The following PPM1E variants were observed in gnomAD, a reference collection of about 807,000 sequenced individuals.
PPM1E encodes the protein protein phosphatase, Mg2+/Mn2+ dependent 1E, also known as protein phosphatase 1E.
PPM1E carries 20 observed loss-of-function variants against 65.9 expected under a neutral mutation model. The observed-to-expected ratio is 0.30, with a 90% CI of 0.21 to 0.44. The LOEUF is 0.44. PPM1E is among the 20% of genes least tolerant of loss of function. The probability of loss-of-function intolerance (pLI) is 1.00; values close to 1 mark genes in which losing one functional copy is unlikely to be tolerated. For missense variants in PPM1E, 713 were observed against 953.1 expected (o/e 0.75, Z 3.32); for synonymous variants, 352 against 374.9 (o/e 0.94, Z 0.70).
chr17:58,768,891 A>T (rs1383480822), intron 1 of PPM1E, among the ~76,000 whole-genome samples: 1 of 151,860 alleles, frequency 6.6e-6, no homozygotes, highest in Non-Finnish European at 1.5e-5. Flanking sequence ...CTGGTCTTGG[A>T]CTCCCGACCT....
chr17:58,783,223 C>G (rs775540600), intron 1 of PPM1E, among the ~76,000 whole-genome samples: 6 of 152,020 alleles, frequency 3.9e-5, no homozygotes, highest in Non-Finnish European at 8.8e-5. Context: ...TTCATGCAAA[C>G]AGTAAAAATA....
chr17:58,960,575 G>A (rs1196628954), intron 2 of PPM1E, among the ~76,000 whole-genome samples: 1 of 152,158 alleles, frequency 6.6e-6, no homozygotes, highest in South Asian at 2.1e-4. Flanking sequence ...AGGAGCTCGA[G>A]ACCAGTCTGG....
intron 1 of PPM1E, among the ~76,000 whole-genome samples, chr17:58,794,807 C>G (rs961130292): frequency 2.6e-5 from 4 of 151,692 alleles, no homozygotes; most frequent in Non-Finnish European, 5.9e-5. Flanking sequence ...TTTATCCAGT[C>G]TACCATTGAT....
intron 1 of PPM1E, among the ~76,000 whole-genome samples, chr17:58,930,250 TACACACACAC>T (rs377147999): frequency 4.2e-4 from 60 of 143,304 alleles, no homozygotes; most frequent in African/African-American, 1.3e-3. Flanking sequence ...TAAATGTATA[TACACACACAC>T]ACACACACAC....
At chr17:58,907,841 T>C (rs984402577) in intron 1 of PPM1E, among the ~76,000 whole-genome samples, 3 of 152,178 alleles carry the variant, frequency 2.0e-5, no homozygotes, top group Non-Finnish European at 4.4e-5. Flanking sequence ...ATCATGGTAT[T>C]TTTCTCTATT....
chr17:58,806,229 C>A (rs2050312838), intron 1 of PPM1E, among the ~76,000 whole-genome samples: 1 of 151,788 alleles, frequency 6.6e-6, no homozygotes, highest in South Asian at 2.1e-4. Context: ...GGTCTTTTGA[C>A]TCCAAAGTCT....
At position 58,910,150 on chromosome 17, in the gene PPM1E, G is replaced by A. The variant is rs1420475916; in HGVS notation, c.465-45499G>A. Among the ~76,000 whole-genome samples the A allele has an allele frequency of 4.6e-5, 7 of 151,690 alleles. No individual in the cohort carries two copies. The South Asian group carries it at 6.2e-4, about 14-fold the overall frequency. On this transcript the variant is annotated intron_variant, in intron 1 of 6. Transcript: ENST00000308249. ...ACTCCTGACCTCAGGTGATCCACCC[G>A]CCTCGTTGCCCCACAGTTCTTGAGT...
At chr17:58,768,505 G>T (rs1378192539) in intron 1 of PPM1E, among the ~76,000 whole-genome samples, 1 of 152,138 alleles carries the variant, frequency 6.6e-6, no homozygotes, top group Non-Finnish European at 1.5e-5. Flanking sequence ...GGCGGATAGG[G>T]TGGTTGGATT....
intron 1 of PPM1E, among the ~76,000 whole-genome samples, chr17:58,940,868 G>A (rs537231779): frequency 2.6e-5 from 4 of 152,240 alleles, no homozygotes; most frequent in African/African-American, 7.2e-5. Context: ...ATGCCACCAT[G>A]CGTGGCTAAT....
chr17:58,947,700 G>T (rs2052181059), intron 1 of PPM1E, among the ~76,000 whole-genome samples: 1 of 151,872 alleles, frequency 6.6e-6, no homozygotes, highest in South Asian at 2.1e-4. Context: ...TAAATATTGG[G>T]TTTTCAGTTA....
At chr17:58,783,459 G>C (rs537102856) in intron 1 of PPM1E, among the ~76,000 whole-genome samples, 1 of 152,114 alleles carries the variant, frequency 6.6e-6, no homozygotes, top group Non-Finnish European at 1.5e-5. Context: ...GTAGTTTTTT[G>C]AATAAAGGAG....
At chr17:58,918,180 A>G (rs2051706960) in intron 1 of PPM1E, among the ~76,000 whole-genome samples, 1 of 152,198 alleles carries the variant, frequency 6.6e-6, no homozygotes, top group Non-Finnish European at 1.5e-5. Flanking sequence ...ACTATGGTAG[A>G]CACTGGATTG....
intron 1 of PPM1E, among the ~76,000 whole-genome samples, chr17:58,762,134 A>G (rs1311598505): frequency 6.6e-6 from 1 of 152,176 alleles, no homozygotes; most frequent in Non-Finnish European, 1.5e-5. Context: ...CTGAGTAAAT[A>G]GATTTATGGA....
At chr17:58,852,270 C>T (rs2050834503) in intron 1 of PPM1E, among the ~76,000 whole-genome samples, 2 of 152,168 alleles carry the variant, frequency 1.3e-5, no homozygotes, top group Admixed American at 6.5e-5. Context: ...GCTGCACCCA[C>T]TGTCTGACAA....
In PPM1E at chr17:58,982,743, C is replaced by T; in HGVS notation, c.*1712C>T. On this transcript the variant is annotated 3_prime_UTR_variant, in exon 7 of 7. Transcript: ENST00000308249. ...TCTCTTGATTTTGAAGTCATTTCTTCTTCTCACGTCTGTGACAAATGGTTG... is the reference window on the plus strand; with the variant it reads ...TCTCTTGATTTTGAAGTCATTTCTTTTTCTCACGTCTGTGACAAATGGTTG... 2 of 535,216 alleles carry T rather than the reference C, an allele frequency of 3.7e-6. No individual in the cohort carries two copies. Among genetic ancestry groups the T allele is most frequent in the Admixed American group, 6.9e-5 (2 of 29,134 alleles). The allele number at this position is 535,216 out of a possible 1,614,324, so 33.2% of individuals were successfully genotyped here.
At chr17:58,936,398 T>A (rs2051980658) in intron 1 of PPM1E, among the ~76,000 whole-genome samples, 1 of 152,150 alleles carries the variant, frequency 6.6e-6, no homozygotes, top group Non-Finnish European at 1.5e-5. Flanking sequence ...AGCATCATCA[T>A]AATATGTGGG....
chr17:58,837,190 C>T (rs990472071), intron 1 of PPM1E, among the ~76,000 whole-genome samples: 1 of 144,870 alleles, frequency 6.9e-6, no homozygotes, highest in Non-Finnish European at 1.5e-5. Flanking sequence ...TTGGAGGTTA[C>T]AGTGGGCCAT....
chr17:58,947,534 G>T (rs1427606283), intron 1 of PPM1E, among the ~76,000 whole-genome samples: 1 of 148,198 alleles, frequency 6.7e-6, no homozygotes, highest in East Asian at 2.0e-4. Flanking sequence ...ACTGCACCTG[G>T]CCTTTTTTTT....
rs1253535550 is a variant in PPM1E at position 58,850,150 on chromosome 17, T to C, written c.464+93689T>C. ...CTTGGTAGATCTTCCTCCATCCCTT[T>C]ATTTTGAGCCTATGTGTGTCTCTGC... is the stretch of plus-strand genomic sequence containing the variant. On this transcript the variant is annotated intron_variant, in intron 1 of 6. Transcript: ENST00000308249. Among the ~76,000 whole-genome samples the C allele has an allele frequency of 5.3e-5, 8 of 152,272 alleles. No homozygotes were observed. In the East Asian group the frequency reaches 9.6e-4, roughly 18 times the overall value.
Sources: allele counts gnomAD v4.1 joint callset (sites outside exome capture counted in the v4.1 genomes callset), GRCh38; gene constraint gnomAD v4.1.1; transcripts MANE v1.5; gene names NCBI Gene and HGNC (gene_info 2026-07-23, HGNC 2026-07-21).